SORBS2: variants seen among roughly 807,000 people sequenced by gnomAD.
SORBS2 encodes the protein sorbin and SH3 domain containing 2, also known as sorbin and SH3 domain-containing protein 2.
A neutral mutation model predicts 97.7 loss-of-function variants in SORBS2; 46 were observed. The ratio of observed to expected loss-of-function variants is 0.47; its 90% CI spans 0.37 to 0.60. SORBS2 has a LOEUF of 0.60. Ranked by LOEUF, SORBS2 falls within the 20% of genes least tolerant of loss-of-function variation. SORBS2 has a pLI of 0.00. For missense variants in SORBS2, 1,316 were observed against 1,282.3 expected, an observed-to-expected ratio of 1.03 and a Z score of -0.40; for synonymous variants, 476 against 473.4, an observed-to-expected ratio of 1.01 and a Z score of -0.07.
exon 12 of SORBS2, chr4:185,611,798 G>A (rs1476007397): frequency 1.2e-6 from 2 of 1,613,918 alleles, no homozygotes; most frequent in East Asian, 2.2e-5. Context: ...AGCTCAAGCT[G>A]TGAATCCTAT....
chr4:185,859,999 T>C (rs886449208), intron 1 of SORBS2, among the ~76,000 whole-genome samples: 3 of 152,248 alleles, frequency 2.0e-5, no homozygotes, highest in Non-Finnish European at 4.4e-5. Context: ...TAATTTATTA[T>C]TAACATATTT....
chr4:185,609,573 C>A (rs139488014), intron 12 of SORBS2, among the ~76,000 whole-genome samples: 1 of 152,290 alleles, frequency 6.6e-6, no homozygotes, highest in Admixed American at 6.5e-5. Context: ...CAAACCTATA[C>A]CTATAATACA....
intron 1 of SORBS2, chr4:185,933,182 G>T (rs937133986): frequency 2.0e-5 from 3 of 152,174 alleles, no homozygotes; most frequent in African/African-American, 7.2e-5. Context: ...GTCTCCAAAG[G>T]CAGTACGGTG....
chr4:185,716,215 C>G (rs2030142), intron 2 of SORBS2, among the ~76,000 whole-genome samples: 1 of 152,088 alleles, frequency 6.6e-6, no homozygotes, highest in Non-Finnish European at 1.5e-5. Flanking sequence ...GGCAGGCTGG[C>G]GAGGTAGTCA....
intron 1 of SORBS2, among the ~76,000 whole-genome samples, chr4:185,828,685 G>T (rs566714314): frequency 1.4e-4 from 22 of 152,004 alleles, no homozygotes; most frequent in African/African-American, 4.6e-4. Flanking sequence ...TGTCCCAAGT[G>T]GCAGACACTG....
intron 1 of SORBS2, among the ~76,000 whole-genome samples, chr4:185,876,387 C>T (rs1184707073): frequency 1.3e-5 from 2 of 152,132 alleles, no homozygotes; most frequent in South Asian, 2.1e-4. Context: ...GGATTACAGG[C>T]GTGAGCCACC....
At chr4:185,586,663 G>C (rs1271245318) in exon 15 of SORBS2, 1 of 152,592 alleles carries the variant, frequency 6.6e-6, no homozygotes, top group Admixed American at 6.5e-5. Context: ...AAATGTGTAT[G>C]TGTACACACA....
chr4:185,944,784 C>CA (rs1224641685), intron 1 of SORBS2, among the ~76,000 whole-genome samples: 1 of 152,156 alleles, frequency 6.6e-6, no homozygotes, highest in Non-Finnish European at 1.5e-5. Context: ...GTAGGACACT[C>CA]CATATTACGG....
intron 1 of SORBS2, among the ~76,000 whole-genome samples, chr4:185,922,762 A>G (rs2099261501): frequency 6.6e-6 from 1 of 152,192 alleles, no homozygotes; most frequent in African/African-American, 2.4e-5. Flanking sequence ...TTTATGGATT[A>G]CAGAATGGTT....
At chr4:185,777,213 T>C (rs2099004257) in intron 1 of SORBS2, among the ~76,000 whole-genome samples, 1 of 152,204 alleles carries the variant, frequency 6.6e-6, no homozygotes, top group African/African-American at 2.4e-5. Context: ...TCAACTTTGT[T>C]TTAAAAATGT....
At chr4:185,819,747 G>T (rs1469079996) in intron 1 of SORBS2, among the ~76,000 whole-genome samples, 4 of 152,144 alleles carry the variant, frequency 2.6e-5, no homozygotes, top group African/African-American at 4.8e-5. Context: ...CTGCCTGGGG[G>T]TGTCCTTGCC....
intron 11 of SORBS2, among the ~76,000 whole-genome samples, chr4:185,613,087 C>T (rs57520709): frequency 3.3e-5 from 5 of 152,180 alleles, no homozygotes; most frequent in African/African-American, 1.2e-4. Flanking sequence ...CAAAACTACA[C>T]GTAGCCTAGA....
intron 1 of SORBS2, among the ~76,000 whole-genome samples, chr4:185,880,245 A>ACCCACTC (rs2099236170): frequency 6.6e-6 from 1 of 152,294 alleles, no homozygotes; most frequent in African/African-American, 2.4e-5. Context: ...TTTCAAGGCA[A>ACCCACTC]CCCACTCCCA....
intron 2 of SORBS2, among the ~76,000 whole-genome samples, chr4:185,755,489 T>C (rs745801981): frequency 1.2e-4 from 18 of 152,200 alleles, no homozygotes; most frequent in Non-Finnish European, 2.2e-4. Flanking sequence ...ATGTTTGGCA[T>C]GGAAGACAGT....
chr4:185,860,555 C>A (rs1374575536), intron 1 of SORBS2, among the ~76,000 whole-genome samples: 1 of 152,154 alleles, frequency 6.6e-6, no homozygotes, highest in Non-Finnish European at 1.5e-5. Context: ...TTTGGAGAGG[C>A]TTGTTCTGAG....
chr4:185,923,868 T>A (rs2149933801), intron 1 of SORBS2, among the ~76,000 whole-genome samples: 1 of 152,332 alleles, frequency 6.6e-6, no homozygotes, highest in East Asian at 1.9e-4. Flanking sequence ...ATATGTCTCT[T>A]ATTTCCTTGG....
chr4:185,904,380 G>A (rs2099249495), intron 1 of SORBS2, among the ~76,000 whole-genome samples: 1 of 152,174 alleles, frequency 6.6e-6, no homozygotes, highest in Non-Finnish European at 1.5e-5. Flanking sequence ...CAGGGGTAGT[G>A]GATGGACTTG....
intron 1 of SORBS2, among the ~76,000 whole-genome samples, chr4:185,868,384 C>T (rs2099228470): frequency 6.6e-6 from 1 of 151,716 alleles, no homozygotes; most frequent in African/African-American, 2.4e-5. Flanking sequence ...TCTCAATCTC[C>T]TGATCTCGTG....
chr4:185,922,449 T>C (rs1390751210), intron 1 of SORBS2, among the ~76,000 whole-genome samples: 3 of 152,234 alleles, frequency 2.0e-5, no homozygotes, highest in African/African-American at 4.8e-5. Flanking sequence ...CTTCCAGCTC[T>C]TATAACTCAC....
Sources: allele counts gnomAD v4.1 joint callset (sites outside exome capture counted in the v4.1 genomes callset), GRCh38; gene constraint gnomAD v4.1.1; transcripts MANE v1.5; gene names NCBI Gene and HGNC (gene_info 2026-07-23, HGNC 2026-07-21).